The following LPA variants were observed in gnomAD, a reference collection of about 807,000 sequenced individuals.
LPA encodes lipoprotein(a), also known as apolipoprotein(a).
In LPA, 199 loss-of-function variants were observed where a neutral mutation model predicts 197.9. The ratio of observed to expected loss-of-function variants is 1.01; its 90% CI spans 0.90 to 1.13. LPA has a LOEUF of 1.13. LPA is among the 50% of genes most tolerant of loss of function. The pLI, the probability that LPA is intolerant of heterozygous loss-of-function variation, is 0.00. For missense variants in LPA, 1,853 were observed against 1,785.8 expected, an observed-to-expected ratio of 1.04 and a Z score of -0.68; for synonymous variants, 715 against 639.5, an observed-to-expected ratio of 1.12 and a Z score of -1.78.
intron 37 of LPA, among the ~76,000 whole-genome samples, chr6:160,533,655 A>G (rs1777840585): frequency 6.6e-6 from 1 of 152,242 alleles, no homozygotes; most frequent in African/African-American, 2.4e-5. Flanking sequence ...AGGGTGTGAC[A>G]GTGGAAAATG....
intron 2 of LPA, among the ~76,000 whole-genome samples, chr6:160,647,092 A>G (rs1291705704): frequency 1.3e-5 from 2 of 152,278 alleles, no homozygotes; most frequent in East Asian, 1.9e-4. Context: ...GTATCTCTAG[A>G]ATGGGTTCCT....
At position 160,557,358 on chromosome 6, in the gene LPA, A is replaced by G. The variant is rs201656608; in HGVS notation, c.4813+32T>C. On this transcript the variant is annotated intron_variant, in intron 29 of 38. Coordinates refer to ENST00000316300, the MANE Select transcript of LPA (RefSeq NM_005577.4). ...CCATCTCTTTTCATCCCAATGTTCA[A>G]ATGTGTAGATATCTGGCCACAGACT... The G allele has an allele frequency of 1.5e-4, 234 of 1,612,142 alleles. 1 individual carries two copies. In the African/African-American group the frequency reaches 2.6e-3, roughly 18 times the overall value.
intron 31 of LPA, 68 bp downstream of exon 31, chr6:160,548,410 C>T: frequency 1.3e-6 from 2 of 1,539,706 alleles, no homozygotes; most frequent in Non-Finnish European, 1.8e-6. Context: ...TTTTTCATGT[C>T]TTTTCATCCC....
intron 1 of LPA, among the ~76,000 whole-genome samples, chr6:160,652,633 G>C (rs73782408): frequency 5.9e-4 from 90 of 152,114 alleles, no homozygotes; most frequent in African/African-American, 1.9e-3. Flanking sequence ...GTAAAATAAA[G>C]AAATTATTCA....
intron 20 of LPA, among the ~76,000 whole-genome samples, chr6:160,595,749 A>T (rs1779120648): frequency 6.6e-6 from 1 of 152,202 alleles, no homozygotes; most frequent in South Asian, 2.1e-4. Flanking sequence ...ATCCAAAGTC[A>T]TCTGTGCTCC....
At chr6:160,552,756 G>T (rs1417877205) in intron 30 of LPA, among the ~76,000 whole-genome samples, 2 of 152,214 alleles carry the variant, frequency 1.3e-5, no homozygotes, top group Admixed American at 1.3e-4. Flanking sequence ...ATTCTAAAAA[G>T]AACACACTTA....
intron 30 of LPA, 62 bp from the exon 31 acceptor site, chr6:160,548,721 C>A (rs1778121693): frequency 6.4e-6 from 10 of 1,552,504 alleles, no homozygotes; most frequent in Non-Finnish European, 8.0e-6. Flanking sequence ...ACATCCAGCA[C>A]CCTCTACATT....
chr6:160,586,250 G>A (rs185127542), intron 25 of LPA, among the ~76,000 whole-genome samples, 199 bp downstream of exon 25: 54 of 152,224 alleles, frequency 3.5e-4, no homozygotes, highest in Non-Finnish European at 5.6e-4. Context: ...CCCTTTTAAA[G>A]ACACCATCCC....
chr6:160,570,430 A>G lies in LPA; in HGVS notation c.4631+6706T>C, dbSNP rs1365452140. Among the ~76,000 whole-genome samples the G allele has an allele frequency of 7.9e-5, 12 of 152,314 alleles. No homozygotes were observed. In the East Asian group the frequency reaches 2.1e-3, roughly 27 times the overall value. ...TGTTCTCACTCATAGGTGGGAATTG[A>G]ACAATGAGAGTACATGGACACAGAG... On this transcript the variant is annotated intron_variant, in intron 28 of 38. Coordinates refer to ENST00000316300, the MANE Select transcript of LPA (RefSeq NM_005577.4).
At chr6:160,662,789 T>C (rs1248783455) in intron 1 of LPA, among the ~76,000 whole-genome samples, 1 of 152,228 alleles carries the variant, frequency 6.6e-6, no homozygotes, top group Non-Finnish European at 1.5e-5. Context: ...AGTCAACTTG[T>C]AAAATTTTAT....
chr6:160,558,596 G>C (rs1210881072), intron 28 of LPA, among the ~76,000 whole-genome samples: 1 of 152,150 alleles, frequency 6.6e-6, no homozygotes, highest in Non-Finnish European at 1.5e-5. Flanking sequence ...TCCTCTGCTA[G>C]CGGCAGCCAC....
chr6:160,610,009 T>G, intron 16 of LPA, among the ~76,000 whole-genome samples: 1 of 152,218 alleles, frequency 6.6e-6, no homozygotes, highest in East Asian at 1.9e-4. Flanking sequence ...TAATTTGTCT[T>G]GATATGATAC....
At chr6:160,544,214 C>A (rs918205596) in intron 33 of LPA, among the ~76,000 whole-genome samples, 1 of 151,992 alleles carries the variant, frequency 6.6e-6, no homozygotes, top group African/African-American at 2.4e-5. Flanking sequence ...TTCAAGGCAG[C>A]CTGTCAAGGA....
chr6:160,549,888 G>A (rs559523467), intron 30 of LPA, among the ~76,000 whole-genome samples: 10 of 152,288 alleles, frequency 6.6e-5, no homozygotes, highest in African/African-American at 2.4e-4. Context: ...GATCTGAAAA[G>A]GTCCACCAGC....
chr6:160,538,605 A>G (rs543127706), intron 36 of LPA, among the ~76,000 whole-genome samples: 1 of 152,348 alleles, frequency 6.6e-6, no homozygotes, highest in Non-Finnish European at 1.5e-5. Flanking sequence ...ATTCTACTTT[A>G]GTAAGTTCAA....
intron 28 of LPA, among the ~76,000 whole-genome samples, chr6:160,567,686 A>G (rs1206377554): frequency 6.6e-6 from 1 of 152,244 alleles, no homozygotes; most frequent in East Asian, 1.9e-4. Context: ...AAAACCTTCA[A>G]AACATCAATG....
intron 22 of LPA, among the ~76,000 whole-genome samples, chr6:160,592,794 C>T (rs140306630): frequency 0.014 from 2,112 of 152,200 alleles, 20 homozygotes; most frequent in Middle Eastern, 0.024. Flanking sequence ...TCTAGGAATC[C>T]GAAGATCCTA....
chr6:160,534,790 G>A (rs1362517095), intron 37 of LPA, among the ~76,000 whole-genome samples: 1 of 152,176 alleles, frequency 6.6e-6, no homozygotes, highest in Non-Finnish European at 1.5e-5. Context: ...GTGCAGGATG[G>A]TGGTTAGAAA....
chr6:160,600,145 G>A (rs1779211048), intron 19 of LPA, among the ~76,000 whole-genome samples: 3 of 152,180 alleles, frequency 2.0e-5, no homozygotes, highest in African/African-American at 7.2e-5. Context: ...TGATGGGGCA[G>A]ACAACAGTCC....
Sources: allele counts gnomAD v4.1 joint callset (sites outside exome capture counted in the v4.1 genomes callset), GRCh38; gene constraint gnomAD v4.1.1; transcripts MANE v1.5; gene names NCBI Gene and HGNC (gene_info 2026-07-23, HGNC 2026-07-21).